The following SORBS2 variants were observed in gnomAD, a reference collection of about 807,000 sequenced individuals.
SORBS2 encodes the protein sorbin and SH3 domain containing 2.
SORBS2 carries 46 observed loss-of-function variants against 97.7 expected under a neutral mutation model. That is an observed-to-expected ratio of 0.47 (90% confidence interval 0.37 to 0.60). The LOEUF (loss-of-function observed/expected upper bound fraction) is 0.60. Among genes scored for constraint, SORBS2 ranks in the 20% least tolerant of loss-of-function variants. The pLI is 0.00. For synonymous variants in SORBS2, 476 were observed against 473.4 expected (o/e 1.01, Z -0.07); for missense variants, 1,316 against 1,282.3 (o/e 1.03, Z -0.40).
intron 2 of SORBS2, among the ~76,000 whole-genome samples, chr4:185,731,864 CTCTATATATATA>C (rs1177710822): frequency 0.074 from 2,135 of 28,950 alleles, 43 homozygotes; most frequent in Non-Finnish European, 0.086. Context: ...CTCTCTCTCT[CTCTATATATATA>C]TATATATATA....
intron 4 of SORBS2, chr4:185,675,170 GC>G (rs926376761): frequency 1.1e-4 from 17 of 152,226 alleles, no homozygotes; most frequent in African/African-American, 4.1e-4. Flanking sequence ...ATAAAACCAT[GC>G]AAAACGAAAG....
At chr4:185,850,887 C>T (rs760551525) in intron 1 of SORBS2, among the ~76,000 whole-genome samples, 7 of 152,142 alleles carry the variant, frequency 4.6e-5, no homozygotes, top group Non-Finnish European at 1.0e-4. Context: ...CTGTTGAGGG[C>T]CTGAATAGAA....
intron 1 of SORBS2, among the ~76,000 whole-genome samples, chr4:185,786,765 C>T (rs1206855120): frequency 6.6e-6 from 1 of 152,090 alleles, no homozygotes; most frequent in Non-Finnish European, 1.5e-5. Flanking sequence ...AGTTCAAGAC[C>T]AGCCTGGCCA....
At chr4:185,890,220 C>G (rs1221798829) in intron 1 of SORBS2, among the ~76,000 whole-genome samples, 1 of 152,200 alleles carries the variant, frequency 6.6e-6, no homozygotes, top group Admixed American at 6.5e-5. Flanking sequence ...ATTAATATAT[C>G]ACTTTTTTGT....
chr4:185,893,063 G>A (rs1328189613), intron 1 of SORBS2, among the ~76,000 whole-genome samples: 1 of 152,182 alleles, frequency 6.6e-6, no homozygotes, highest in Non-Finnish European at 1.5e-5. Flanking sequence ...GAGAGCTAGT[G>A]AAATTACTGG....
chr4:185,907,001 T>C (rs1428924183), intron 1 of SORBS2, among the ~76,000 whole-genome samples: 2 of 152,046 alleles, frequency 1.3e-5, no homozygotes, highest in Admixed American at 1.3e-4. Flanking sequence ...CAGGGTGTGG[T>C]GGTGCGAGCC....
At chr4:185,839,444 G>T (rs1382742658) in intron 1 of SORBS2, among the ~76,000 whole-genome samples, 2 of 152,118 alleles carry the variant, frequency 1.3e-5, no homozygotes, top group Non-Finnish European at 2.9e-5. Context: ...TGGCCCCAGG[G>T]GTCGGTCCAG....
chr4:185,782,030 G>A (rs1225995938), intron 1 of SORBS2, among the ~76,000 whole-genome samples: 8 of 152,278 alleles, frequency 5.3e-5, no homozygotes, highest in Middle Eastern at 3.4e-3. Flanking sequence ...CATTCCTCCC[G>A]CAGGTACTGC....
intron 1 of SORBS2, among the ~76,000 whole-genome samples, chr4:185,826,494 G>T (rs569609834): frequency 1.3e-5 from 2 of 152,080 alleles, no homozygotes; most frequent in Non-Finnish European, 2.9e-5. Context: ...AGTCATCCTA[G>T]TCTCTAAACA....
At chr4:185,624,567 A>C in intron 6 of SORBS2, 73 bp from the exon 19 acceptor site, 2 of 1,451,668 alleles carry the variant, frequency 1.4e-6, no homozygotes, top group Non-Finnish European at 1.8e-6. Context: ...AGAGGAGAGC[A>C]TGTCAGTAAA....
At chr4:185,827,126 TCATCATCATCATCACCATTGC>T (rs2099200580) in intron 1 of SORBS2, among the ~76,000 whole-genome samples, 5 of 125,356 alleles carry the variant, frequency 4.0e-5, no homozygotes, top group African/African-American at 1.5e-4. Flanking sequence ...ATCATCACCA[TCATCATCATCATCACCATTGC>T]CATCATCATC....
intron 9 of SORBS2, among the ~76,000 whole-genome samples, chr4:185,617,449 T>C (rs1160651558): frequency 1.3e-5 from 2 of 152,230 alleles, no homozygotes; most frequent in East Asian, 3.8e-4. Context: ...TATTTATATA[T>C]GTCTTCTGCC....
intron 1 of SORBS2, among the ~76,000 whole-genome samples, chr4:185,801,131 G>T (rs1337256822): frequency 1.3e-5 from 2 of 152,176 alleles, no homozygotes; most frequent in African/African-American, 2.4e-5. Flanking sequence ...AGATTGTACA[G>T]TATTTGTCTT....
chr4:185,607,119 C>T lies in SORBS2; in HGVS notation c.2796+4661G>A. ...CCTCCTTAATTTCCAGGATGGCGTC[C>T]TCTAGGATGGTTGGTTTGGCTTGGT... is the stretch of plus-strand genomic sequence containing the variant. On this transcript the variant is annotated intron_variant, in intron 12 of 14. Coordinates refer to ENST00000418609, the Ensembl canonical transcript of SORBS2. This position sits in a 1 kb window ranked among gnomAD's most constrained non-coding sequence, Gnocchi z 5.2. 1 of 1,092,850 alleles carries T rather than the reference C, an allele frequency of 9.2e-7. No individual in the cohort carries two copies. Among genetic ancestry groups the T allele is most frequent in the Non-Finnish European group, 1.1e-6 (1 of 892,112 alleles). 67.7% of individuals were successfully genotyped at this position (1,092,850 alleles called of 1,614,324 possible). A position where few individuals can be genotyped will look rare whatever the true frequency, so the allele number is the denominator to read the frequency against.
At chr4:185,649,651 A>G in exon 3 of SORBS2, 1 of 1,425,046 alleles carries the variant, frequency 7.0e-7, no homozygotes. Context: ...GGTGGGTTGT[A>G]CAGACCTATC....
intron 1 of SORBS2, among the ~76,000 whole-genome samples, chr4:185,824,620 C>A (rs2099198765): frequency 6.6e-6 from 1 of 152,088 alleles, no homozygotes; most frequent in Non-Finnish European, 1.5e-5. Flanking sequence ...GAACTCAATT[C>A]ATACATCGAG....
intron 1 of SORBS2, among the ~76,000 whole-genome samples, chr4:185,832,937 C>T (rs183984430): frequency 1.3e-5 from 2 of 152,246 alleles, no homozygotes; most frequent in Non-Finnish European, 2.9e-5. Flanking sequence ...TTTTTTGAAA[C>T]TTATGTTTAC....
chr4:185,694,316 T>G (rs140719681), intron 2 of SORBS2, among the ~76,000 whole-genome samples: 2 of 152,318 alleles, frequency 1.3e-5, no homozygotes, highest in East Asian at 3.9e-4. Flanking sequence ...CAACAGCATC[T>G]CAAGTATTCT....
At chr4:185,747,922 C>T (rs373872049) in intron 2 of SORBS2, among the ~76,000 whole-genome samples, 21 of 151,858 alleles carry the variant, frequency 1.4e-4, no homozygotes, top group African/African-American at 2.2e-4. Flanking sequence ...ACCCAGGAGG[C>T]GGAGGTTGCA....
Sources: gnomAD v4.1 joint callset for allele counts (sites outside exome capture counted in the v4.1 genomes callset) on GRCh38, gnomAD v4.1.1 for gene constraint, Gnocchi (gnomAD v3.1) non-coding constraint, MANE v1.5 for transcripts, NCBI Gene and HGNC (gene_info 2026-07-23, HGNC 2026-07-21) for gene names.